HDAC8: variants seen among roughly 807,000 people sequenced by gnomAD.
The protein encoded by HDAC8 is histone deacetylase 8.
HDAC8 carries 1 observed loss-of-function variant against 32.2 expected under a neutral mutation model. The ratio of observed to expected loss-of-function variants is 0.03; its 90% CI spans 0.01 to 0.15. The LOEUF is 0.15. Ranked by LOEUF, HDAC8 falls within the 10% of genes least tolerant of loss-of-function variation. The pLI is 1.00. For synonymous variants in HDAC8, 108 were observed against 113.9 expected (o/e 0.95, Z 0.33); for missense variants, 117 against 300.0 (o/e 0.39, Z 4.51).
intron 9 of HDAC8, among the ~76,000 whole-genome samples, chrX:72,379,490 GT>G (rs1191306787): frequency 4.0e-3 from 155 of 38,890 alleles, no homozygotes; most frequent in Non-Finnish European, 5.0e-3. Context: ...TTTGTTTAGT[GT>G]TTTTTTTTTT....
chrX:72,515,565 C>A (rs1217287227), intron 4 of HDAC8, among the ~76,000 whole-genome samples: 1 of 65,564 alleles, frequency 1.5e-5, no homozygotes, highest in Admixed American at 2.5e-4. Flanking sequence ...ATACCTCATT[C>A]TCAAGGATCT....
chrX:72,508,137 T>C (rs1462024385), intron 4 of HDAC8, among the ~76,000 whole-genome samples: 2 of 112,537 alleles, frequency 1.8e-5, no homozygotes, highest in Non-Finnish European at 3.7e-5. Flanking sequence ...TTTCCAATAA[T>C]GTTTTCTTAT....
intron 7 of HDAC8, among the ~76,000 whole-genome samples, chrX:72,484,121 AT>A (rs1253222079): frequency 8.9e-6 from 1 of 112,528 alleles, no homozygotes; most frequent in South Asian, 3.7e-4. Context: ...CAGTCTCTGA[AT>A]TTTTTTTAAG....
intron 7 of HDAC8, among the ~76,000 whole-genome samples, chrX:72,472,638 TG>T (rs1248908384): frequency 8.9e-6 from 1 of 112,049 alleles, no homozygotes. Flanking sequence ...GTTTCGAGAT[TG>T]CTTTTGCTAT....
intron 4 of HDAC8, among the ~76,000 whole-genome samples, chrX:72,565,202 G>C (rs1213269073): frequency 2.7e-5 from 3 of 112,434 alleles, no homozygotes; most frequent in Admixed American, 1.9e-4. Flanking sequence ...TGTAGTAGGT[G>C]CCTAATCAAT....
At chrX:72,385,211 C>T (rs983745323) in intron 9 of HDAC8, among the ~76,000 whole-genome samples, 2 of 111,727 alleles carry the variant, frequency 1.8e-5, no homozygotes, top group African/African-American at 6.5e-5. Flanking sequence ...TGCCTGTAAT[C>T]CCAGCACTTT....
chrX:72,567,438 TAA>T (rs1474270829), intron 4 of HDAC8: 1 of 216,172 alleles, frequency 4.6e-6, no homozygotes, highest in Non-Finnish European at 8.4e-6. Flanking sequence ...TTTCTACTGA[TAA>T]GTCTCTTCAG....
intron 4 of HDAC8, among the ~76,000 whole-genome samples, chrX:72,566,874 G>A (rs782006370): frequency 3.6e-5 from 4 of 112,071 alleles, no homozygotes; most frequent in East Asian, 2.8e-4. Flanking sequence ...GGCCAGGCGC[G>A]GTGGCTCACC....
At chrX:72,396,921 C>T (rs1555965756) in intron 9 of HDAC8, among the ~76,000 whole-genome samples, 1 of 111,787 alleles carries the variant, frequency 8.9e-6, no homozygotes, top group Non-Finnish European at 1.9e-5. Flanking sequence ...ATATCTGAGA[C>T]TGGGTACTTT....
At chrX:72,539,339 C>T (rs1341063493) in intron 4 of HDAC8, among the ~76,000 whole-genome samples, 5 of 111,032 alleles carry the variant, frequency 4.5e-5, no homozygotes, top group Non-Finnish European at 9.4e-5. Flanking sequence ...TCAAGTGATT[C>T]TCCTGCCTCA....
At chrX:72,495,644 AG>A (rs1382278666) in intron 4 of HDAC8, among the ~76,000 whole-genome samples, 10 of 111,967 alleles carry the variant, frequency 8.9e-5, no homozygotes, top group African/African-American at 2.9e-4. Context: ...ACTTTAAGAA[AG>A]CTAGAATCTA....
At chrX:72,427,602 T>TGGGGGGGGGG in intron 9 of HDAC8, among the ~76,000 whole-genome samples, 1 of 32,960 alleles carries the variant, frequency 3.0e-5, no homozygotes, top group Non-Finnish European at 1.2e-4. Context: ...TGTTGTGGGG[T>TGGGGGGGGGG]GGGGGGGGGG....
intron 9 of HDAC8, among the ~76,000 whole-genome samples, chrX:72,397,385 CT>C (rs1555965914): frequency 1.8e-5 from 2 of 112,193 alleles, no homozygotes; most frequent in African/African-American, 6.5e-5. Context: ...GAGTATTCCT[CT>C]CCATTCTTCA....
At chrX:72,359,827 G>A (rs1555951898) in intron 9 of HDAC8, among the ~76,000 whole-genome samples, 1 of 110,599 alleles carries the variant, frequency 9.0e-6, no homozygotes, top group African/African-American at 3.3e-5. Context: ...GGCTGAGGCA[G>A]GTGGATCTCA....
At position 72,349,657 on chromosome X, in the gene HDAC8, C is replaced by A. The variant is rs191735268; in HGVS notation, c.1111+2076G>T. 1.5e-3 allele frequency among the ~76,000 whole-genome samples: 166 copies of A among 111,873 alleles called. 1 individual carries two copies. The highest frequency in any genetic ancestry group is 5.1e-3 in the African/African-American group (158 of 30,814). ...CTCGTCCTAGCCTTTTATCTCAAAT[C>A]TCTTTTTGATTTTCTGCTCTTTTAG... is the stretch of plus-strand genomic sequence containing the variant. On this transcript the variant is annotated intron_variant, in intron 10 of 10. Coordinates refer to ENST00000373573, the MANE Select transcript of HDAC8 (RefSeq NM_018486.3).
At chrX:72,560,189 G>T (rs76105263) in intron 4 of HDAC8, among the ~76,000 whole-genome samples, 1 of 103,822 alleles carries the variant, frequency 9.6e-6, no homozygotes, top group Non-Finnish European at 2.0e-5. Flanking sequence ...GGAAGTAGAC[G>T]TAGGAGACTC....
intron 9 of HDAC8, among the ~76,000 whole-genome samples, chrX:72,420,821 T>A (rs2046466834): frequency 8.9e-6 from 1 of 111,876 alleles, no homozygotes; most frequent in Non-Finnish European, 1.9e-5. Context: ...TCCAACTCTT[T>A]CACTTTCAAC....
chrX:72,340,110 C>T (rs2043847517), intron 10 of HDAC8, among the ~76,000 whole-genome samples: 1 of 111,890 alleles, frequency 8.9e-6, no homozygotes, highest in African/African-American at 3.3e-5. Flanking sequence ...TCAAACAGAA[C>T]CGAAGCAATT....
At chrX:72,369,819 G>C (rs1019058622) in intron 9 of HDAC8, among the ~76,000 whole-genome samples, 1 of 113,148 alleles carries the variant, frequency 8.8e-6, no homozygotes, top group Admixed American at 9.3e-5. Flanking sequence ...TTATTGTGCT[G>C]TACTGTAATT....
Sources: gnomAD v4.1 joint callset for allele counts (sites outside exome capture counted in the v4.1 genomes callset) on GRCh38, gnomAD v4.1.1 for gene constraint, MANE v1.5 for transcripts, NCBI Gene and HGNC (gene_info 2026-07-23, HGNC 2026-07-21) for gene names.